Variants in RBFOX1 observed in about 807,000 individuals in gnomAD.
The protein encoded by RBFOX1 is RNA binding protein fox-1 homolog 1.
Under a neutral mutation model 57.7 loss-of-function variants are expected in RBFOX1, and 8 were observed. The observed-to-expected ratio is 0.14, with a 90% CI of 0.08 to 0.25. RBFOX1 has a LOEUF of 0.25. Ranked by LOEUF, RBFOX1 falls within the 10% of genes least tolerant of loss-of-function variation. The pLI, the probability that RBFOX1 is intolerant of heterozygous loss-of-function variation, is 1.00. For synonymous variants in RBFOX1, 326 were observed against 222.4 expected (o/e 1.47, Z -4.15); for missense variants, 611 against 548.5 (o/e 1.11, Z -1.14).
At chr16:6,504,814 G>A (rs903443052) in intron 2 of RBFOX1, among the ~76,000 whole-genome samples, 1 of 152,108 alleles carries the variant, frequency 6.6e-6, no homozygotes, top group Admixed American at 6.5e-5. Context: ...CCAGCACTTT[G>A]GGAGGCCGAG....
chr16:7,410,507 C>A (rs2098413171), intron 4 of RBFOX1, among the ~76,000 whole-genome samples: 1 of 152,104 alleles, frequency 6.6e-6, no homozygotes, highest in Admixed American at 6.5e-5. Flanking sequence ...CATGGAGAAA[C>A]CCGGTCTCTA....
chr16:7,404,840 C>T (rs1313902423), intron 4 of RBFOX1, among the ~76,000 whole-genome samples: 3 of 152,216 alleles, frequency 2.0e-5, no homozygotes. Context: ...TGTGGGCTCT[C>T]CTGGAATGTG....
chr16:7,295,263 G>A (rs2095867110), intron 4 of RBFOX1, among the ~76,000 whole-genome samples: 1 of 152,142 alleles, frequency 6.6e-6, no homozygotes, highest in Non-Finnish European at 1.5e-5. Context: ...ATAGTGCCAT[G>A]TCATTTAAAA....
rs148651368 is a variant in RBFOX1, at chr16:5,595,797, C to T, written c.259-3105C>T. Among the ~76,000 whole-genome samples the T allele has an allele frequency of 7.8e-4, 119 of 152,208 alleles. No individual in the cohort carries two copies. In the East Asian group the frequency reaches 0.017, roughly 22 times the overall value. On this transcript the variant is annotated intron_variant, in intron 2 of 2. Transcript: ENST00000585867. ...AGTTAAGGAGGAAAATAGGGACACA[C>T]GGGATTGGGCACAGAGCTTGCTGCT... is the stretch of plus-strand genomic sequence containing the variant.
intron 7 of RBFOX1, among the ~76,000 whole-genome samples, chr16:7,587,749 A>T (rs940173865): frequency 6.6e-6 from 1 of 152,180 alleles, no homozygotes; most frequent in Non-Finnish European, 1.5e-5. Context: ...ATTCTTTAGT[A>T]TGTTTACCGA....
At chr16:5,447,441 A>C (rs1226700061) in intron 1 of RBFOX1, among the ~76,000 whole-genome samples, 1 of 146,682 alleles carries the variant, frequency 6.8e-6, no homozygotes, top group African/African-American at 2.6e-5. Flanking sequence ...CCCATGCTGG[A>C]GTGCAGTGGC....
intron 2 of RBFOX1, among the ~76,000 whole-genome samples, chr16:6,606,495 T>G (rs1341053684): frequency 6.6e-6 from 1 of 152,184 alleles, no homozygotes; most frequent in African/African-American, 2.4e-5. Flanking sequence ...ACGCATTAGC[T>G]GTTTATCCTG....
intron 1 of RBFOX1, among the ~76,000 whole-genome samples, chr16:5,246,634 A>T (rs1480218824): frequency 1.3e-5 from 2 of 148,150 alleles, no homozygotes; most frequent in Non-Finnish European, 3.0e-5. Context: ...CCATCATTCT[A>T]CTCTGCTTCT....
chr16:7,403,523 T>G (rs2098279252), intron 4 of RBFOX1, among the ~76,000 whole-genome samples: 1 of 151,440 alleles, frequency 6.6e-6, no homozygotes, highest in Non-Finnish European at 1.5e-5. Context: ...TCTAGCATAA[T>G]GTCCTCCAGG....
chr16:7,287,584 A>G (rs2095675100), intron 4 of RBFOX1, among the ~76,000 whole-genome samples: 1 of 152,198 alleles, frequency 6.6e-6, no homozygotes, highest in South Asian at 2.1e-4. Context: ...TAAATGGAAG[A>G]AGATAAAACC....
chr16:5,811,394 C>T (rs1164013830), intron 3 of RBFOX1, among the ~76,000 whole-genome samples: 2 of 151,760 alleles, frequency 1.3e-5, no homozygotes, highest in East Asian at 1.9e-4. Context: ...CCGCCTGCCT[C>T]GGCCTCTCAA....
intron 1 of RBFOX1, among the ~76,000 whole-genome samples, chr16:6,028,665 A>G (rs2095241982): frequency 1.3e-5 from 2 of 152,072 alleles, no homozygotes; most frequent in Admixed American, 1.3e-4. Flanking sequence ...TTGGCAACAG[A>G]GCAAGACCCT....
chr16:5,884,432 C>G (rs1044643881), intron 4 of RBFOX1, among the ~76,000 whole-genome samples: 1 of 151,852 alleles, frequency 6.6e-6, no homozygotes, highest in Non-Finnish European at 1.5e-5. Flanking sequence ...CAAAATCCAT[C>G]TGTTCCACCG....
At chr16:7,536,078 AC>A (rs2081397465) in intron 5 of RBFOX1, among the ~76,000 whole-genome samples, 1 of 152,194 alleles carries the variant, frequency 6.6e-6, no homozygotes, top group Non-Finnish European at 1.5e-5. Flanking sequence ...ATCTGTATCC[AC>A]CAGGTTCGAC....
intron 4 of RBFOX1, among the ~76,000 whole-genome samples, chr16:7,382,056 C>A (rs189355328): frequency 6.6e-6 from 1 of 152,316 alleles, no homozygotes; most frequent in Admixed American, 6.5e-5. Flanking sequence ...ATTTATAAAT[C>A]AGTTGGAAGT....
intron 4 of RBFOX1, among the ~76,000 whole-genome samples, chr16:7,305,460 C>G (rs1352726328): frequency 6.6e-6 from 1 of 152,050 alleles, no homozygotes; most frequent in Admixed American, 6.6e-5. Context: ...AATCCTTTCT[C>G]CCTCCCAGGA....
At chr16:5,750,830 C>T (rs749339490) in intron 3 of RBFOX1, among the ~76,000 whole-genome samples, 14 of 152,238 alleles carry the variant, frequency 9.2e-5, no homozygotes, top group African/African-American at 2.4e-4. Flanking sequence ...GTCGATGCCT[C>T]GCCCTGCTTC....
intron 1 of RBFOX1, among the ~76,000 whole-genome samples, chr16:6,259,981 T>C (rs2097692133): frequency 6.7e-6 from 1 of 150,064 alleles, no homozygotes; most frequent in Admixed American, 6.7e-5. Context: ...AAAAAGCTGA[T>C]GAAAATAAGT....
chr16:7,627,313 A>G (rs1348235613), intron 10 of RBFOX1, among the ~76,000 whole-genome samples: 1 of 152,102 alleles, frequency 6.6e-6, no homozygotes, highest in Admixed American at 6.5e-5. Context: ...CTGTGTTGAG[A>G]ATGATTGTGA....
Sources: allele counts gnomAD v4.1 joint callset (sites outside exome capture counted in the v4.1 genomes callset), GRCh38; gene constraint gnomAD v4.1.1; transcripts MANE v1.5; gene names NCBI Gene and HGNC (gene_info 2026-07-23, HGNC 2026-07-21).